RNGTT: variants seen among roughly 807,000 people sequenced by gnomAD.
RNGTT encodes the protein RNA guanylyltransferase and 5'-phosphatase, also known as mRNA-capping enzyme.
Under a neutral mutation model 79.3 loss-of-function variants are expected in RNGTT, and 33 were observed. That is an observed-to-expected ratio of 0.42 (90% confidence interval 0.32 to 0.56). The LOEUF is 0.56. Among genes scored for constraint, RNGTT ranks in the 20% least tolerant of loss-of-function variants. The pLI is 0.17. For missense variants in RNGTT, 497 were observed against 739.1 expected, an observed-to-expected ratio of 0.67 and a Z score of 3.80; for synonymous variants, 222 against 235.9, an observed-to-expected ratio of 0.94 and a Z score of 0.54.
chr6:88,930,431 A>C (rs1441266103), intron 2 of RNGTT, among the ~76,000 whole-genome samples: 2 of 151,904 alleles, frequency 1.3e-5, no homozygotes, highest in Admixed American at 1.3e-4. Flanking sequence ...GCACTTTGGG[A>C]GGCCACGGCA....
chr6:88,836,039 TTA>T (rs1781066630), intron 11 of RNGTT, among the ~76,000 whole-genome samples: 1 of 92,972 alleles, frequency 1.1e-5, no homozygotes, highest in South Asian at 3.3e-4. Flanking sequence ...TATATAAGAT[TTA>T]CATATATATA....
chr6:88,647,715 A>AAAAAAAAAAAAGAAAAAAGAAG (rs531898293), intron 14 of RNGTT, among the ~76,000 whole-genome samples: 1 of 142,438 alleles, frequency 7.0e-6, no homozygotes, highest in African/African-American at 3.0e-5. Context: ...AAAAAAAAAA[A>AAAAAAAAAAAAGAAAAAAGAAG]AAGAAGAAGA....
intron 13 of RNGTT, among the ~76,000 whole-genome samples, chr6:88,754,892 A>G (rs1395758440): frequency 7.2e-5 from 11 of 152,240 alleles, no homozygotes; most frequent in Non-Finnish European, 1.6e-4. Context: ...ATCTATAGAA[A>G]CAATGCTCAT....
intron 1 of RNGTT, among the ~76,000 whole-genome samples, chr6:88,948,929 T>G (rs1785130935): frequency 2.3e-5 from 2 of 86,366 alleles, no homozygotes; most frequent in Non-Finnish European, 4.5e-5. Flanking sequence ...TCGTTAAGAG[T>G]CATCACCAAT....
chr6:88,793,576 G>T (rs2127857386), intron 12 of RNGTT, among the ~76,000 whole-genome samples: 1 of 152,268 alleles, frequency 6.6e-6, no homozygotes, highest in Middle Eastern at 3.4e-3. Flanking sequence ...TGAAATGATG[G>T]TAGGATGGCC....
chr6:88,739,965 G>A (rs1032174351), intron 13 of RNGTT, among the ~76,000 whole-genome samples: 6 of 151,562 alleles, frequency 4.0e-5, no homozygotes, highest in Admixed American at 2.0e-4. Context: ...CCATCTTAGA[G>A]GAATCAATAA....
At chr6:88,904,463 C>T (rs541488301) in intron 6 of RNGTT, among the ~76,000 whole-genome samples, 1 of 151,974 alleles carries the variant, frequency 6.6e-6, no homozygotes, top group Admixed American at 6.6e-5. Context: ...GTCTACAGTC[C>T]CAGCTACTCA....
chr6:88,772,437 G>C, intron 12 of RNGTT, among the ~76,000 whole-genome samples: 1 of 152,048 alleles, frequency 6.6e-6, no homozygotes, highest in East Asian at 1.9e-4. Flanking sequence ...TCAAATTCAA[G>C]TAAAATTTCA....
intron 12 of RNGTT, among the ~76,000 whole-genome samples, chr6:88,772,834 G>A (rs1489783404): frequency 3.9e-5 from 6 of 152,090 alleles, no homozygotes; most frequent in Admixed American, 3.9e-4. Flanking sequence ...GTGCTGGAGA[G>A]GATGTGGAAA....
At chr6:88,952,451 T>C (rs955351628) in intron 1 of RNGTT, among the ~76,000 whole-genome samples, 3 of 152,178 alleles carry the variant, frequency 2.0e-5, no homozygotes, top group Non-Finnish European at 2.9e-5. Flanking sequence ...ATCCCCCAAC[T>C]AGCACCACAG....
intron 13 of RNGTT, among the ~76,000 whole-genome samples, chr6:88,737,819 A>C (rs985715624): frequency 2.6e-5 from 4 of 152,192 alleles, no homozygotes; most frequent in African/African-American, 9.6e-5. Context: ...AGTCTATGGT[A>C]TTTTGTTATG....
chr6:88,632,536 G>GACACACACACACAC (rs1300944817), intron 14 of RNGTT, among the ~76,000 whole-genome samples: 1 of 98,380 alleles, frequency 1.0e-5, no homozygotes, highest in African/African-American at 3.2e-5. Flanking sequence ...CAGACACACA[G>GACACACACACACAC]ACACACAGAC....
chr6:88,707,561 A>G (rs1244380238), intron 13 of RNGTT, among the ~76,000 whole-genome samples: 1 of 151,706 alleles, frequency 6.6e-6, no homozygotes, highest in Non-Finnish European at 1.5e-5. Flanking sequence ...TGAACAGGTA[A>G]CTACCCATTT....
chr6:88,936,381 T>C lies in RNGTT; in HGVS notation c.174+4690A>G, dbSNP rs528735559. On this transcript the variant is annotated intron_variant, in intron 2 of 15. Coordinates refer to ENST00000369485, the MANE Select transcript of RNGTT (RefSeq NM_003800.5). ...TCCAATTTGGGTGCCTTTTATTTCTTTCTCTTGCCTGGCTGCTCTAGATAG... is the reference window on the plus strand; with the variant it reads ...TCCAATTTGGGTGCCTTTTATTTCTCTCTCTTGCCTGGCTGCTCTAGATAG... Among the ~76,000 whole-genome samples, 3 of 152,336 alleles carry C rather than the reference T, an allele frequency of 2.0e-5. No individual in the cohort carries two copies. In the East Asian group the frequency reaches 5.8e-4, roughly 29 times the overall value.
chr6:88,704,206 G>A (rs1370274780), intron 13 of RNGTT, among the ~76,000 whole-genome samples: 1 of 131,028 alleles, frequency 7.6e-6, no homozygotes, highest in Non-Finnish European at 1.5e-5. Context: ...CTTGCAGTGA[G>A]CCGAGATAGC....
At chr6:88,644,532 T>G (rs1473688514) in intron 14 of RNGTT, among the ~76,000 whole-genome samples, 1 of 152,108 alleles carries the variant, frequency 6.6e-6, no homozygotes, top group Non-Finnish European at 1.5e-5. Context: ...TACCAAAGCC[T>G]GGCAGAGACA....
At chr6:88,782,284 G>C (rs1050311202) in intron 12 of RNGTT, among the ~76,000 whole-genome samples, 5 of 151,952 alleles carry the variant, frequency 3.3e-5, no homozygotes, top group African/African-American at 7.3e-5. Flanking sequence ...TAAAGAAATT[G>C]GTAGAAAAGA....
chr6:88,871,486 T>G (rs4357107), intron 8 of RNGTT, among the ~76,000 whole-genome samples: 1 of 152,048 alleles, frequency 6.6e-6, no homozygotes, highest in Non-Finnish European at 1.5e-5. Flanking sequence ...TAGACTTATA[T>G]GTTACAACAA....
intron 6 of RNGTT, among the ~76,000 whole-genome samples, chr6:88,899,479 C>T (rs758220124): frequency 1.8e-4 from 28 of 152,030 alleles, no homozygotes; most frequent in Non-Finnish European, 2.2e-4. Flanking sequence ...GGTCTCACTA[C>T]GTTGCCCAGG....
Sources: allele counts gnomAD v4.1 joint callset (sites outside exome capture counted in the v4.1 genomes callset), GRCh38; gene constraint gnomAD v4.1.1; transcripts MANE v1.5; gene names NCBI Gene and HGNC (gene_info 2026-07-23, HGNC 2026-07-21).